GRM1: variants seen among roughly 807,000 people sequenced by gnomAD.
The protein encoded by GRM1 is glutamate metabotropic receptor 1.
GRM1 carries 33 observed loss-of-function variants against 90.9 expected under a neutral mutation model. That is an observed-to-expected ratio of 0.36 (90% CI 0.28 to 0.49). The LOEUF is 0.49. Among genes scored for constraint, GRM1 ranks in the 20% least tolerant of loss-of-function variants. The pLI is 0.99. For synonymous variants in GRM1, 700 were observed against 613.2 expected (o/e 1.14, Z -2.09); for missense variants, 1,190 against 1,534.3 (o/e 0.78, Z 3.75).
intron 1 of GRM1, among the ~76,000 whole-genome samples, chr6:146,129,423 A>G (rs62434314): frequency 1.3e-3 from 193 of 152,316 alleles, no homozygotes; most frequent in Admixed American, 3.3e-3. Flanking sequence ...AGGGAAATCA[A>G]TTCCAATTAT....
intron 7 of GRM1, among the ~76,000 whole-genome samples, chr6:146,422,808 T>C (rs947857255): frequency 6.6e-6 from 1 of 152,158 alleles, no homozygotes; most frequent in Non-Finnish European, 1.5e-5. Flanking sequence ...TAGGCTGTTA[T>C]ATCAAGGAAG....
At chr6:146,129,485 T>C (rs568516609) in intron 1 of GRM1, among the ~76,000 whole-genome samples, 1 of 152,280 alleles carries the variant, frequency 6.6e-6, no homozygotes, top group East Asian at 1.9e-4. Context: ...TAAAGAGTTG[T>C]GGGCAGGAAA....
chr6:146,382,272 C>T (rs1776343335), intron 5 of GRM1, among the ~76,000 whole-genome samples: 1 of 117,518 alleles, frequency 8.5e-6, no homozygotes, highest in Admixed American at 8.0e-5. Context: ...TTAAATTTGT[C>T]ACTTTGGGGG....
intron 3 of GRM1, among the ~76,000 whole-genome samples, chr6:146,311,977 A>T (rs1421099106): frequency 1.3e-5 from 2 of 152,176 alleles, no homozygotes; most frequent in Non-Finnish European, 2.9e-5. Context: ...GGAAAATGCA[A>T]GATCACACAT....
chr6:146,345,149 A>G (rs1012794469), intron 3 of GRM1, among the ~76,000 whole-genome samples: 1 of 152,256 alleles, frequency 6.6e-6, no homozygotes, highest in Non-Finnish European at 1.5e-5. Flanking sequence ...TGTTGCTAAT[A>G]CTGTAGTAAA....
At position 146,434,532 on chromosome 6, in the gene GRM1, G is replaced by A. The variant is rs1778530195; in HGVS notation, c.3321G>A (p.Gln1107=). 1 of 1,614,008 alleles carries A rather than the reference G, an allele frequency of 6.2e-7. No individual in the cohort carries two copies. The highest frequency in any genetic ancestry group is 1.3e-5 in the African/African-American group (1 of 74,936). ...ACAGCGAGAGGTTTAAGCTCCTCCA[G>A]GAGTACGTGTATGAGCACGAGCGGG... ...DDDSERFKLL[Q]EYVYEHEREG... Residue 1107 remains glutamine, a synonymous_variant, in exon 8 of 8, where the codon CAG becomes CAA. Coordinates refer to ENST00000282753, the MANE Select transcript of GRM1 (RefSeq NM_001278064.2).
At chr6:146,207,742 A>T (rs1224205083) in intron 2 of GRM1, among the ~76,000 whole-genome samples, 1 of 152,164 alleles carries the variant, frequency 6.6e-6, no homozygotes, top group Non-Finnish European at 1.5e-5. Flanking sequence ...GGGGAAGAAG[A>T]TATTTGGGGT....
At chr6:146,386,149 C>T (rs940388095) in intron 5 of GRM1, among the ~76,000 whole-genome samples, 2 of 152,030 alleles carry the variant, frequency 1.3e-5, no homozygotes, top group African/African-American at 4.8e-5. Flanking sequence ...GTGCTGTCTA[C>T]AAGACGTGCA....
chr6:146,064,083 A>G (rs1426012581), intron 1 of GRM1, among the ~76,000 whole-genome samples: 2 of 152,212 alleles, frequency 1.3e-5, no homozygotes, highest in African/African-American at 2.4e-5. Flanking sequence ...CTAAATTAGC[A>G]TGTTAGTTTG....
At chr6:146,281,450 G>A (rs1280939688) in intron 2 of GRM1, among the ~76,000 whole-genome samples, 1 of 152,104 alleles carries the variant, frequency 6.6e-6, no homozygotes, top group African/African-American at 2.4e-5. Flanking sequence ...TTCCCACTGA[G>A]CGAACTCAGA....
At chr6:146,238,787 G>T (rs1319852124) in intron 2 of GRM1, among the ~76,000 whole-genome samples, 1 of 151,944 alleles carries the variant, frequency 6.6e-6, no homozygotes, top group Non-Finnish European at 1.5e-5. Flanking sequence ...TGATTTTAAT[G>T]AAATATCTTA....
At chr6:146,344,992 G>A (rs1443374316) in intron 3 of GRM1, among the ~76,000 whole-genome samples, 3 of 151,938 alleles carry the variant, frequency 2.0e-5, no homozygotes, top group Non-Finnish European at 2.9e-5. Flanking sequence ...TGTATTTTTA[G>A]TAGAGACAGA....
intron 2 of GRM1, among the ~76,000 whole-genome samples, chr6:146,195,089 G>A (rs1779070325): frequency 6.6e-6 from 1 of 152,240 alleles, no homozygotes; most frequent in Non-Finnish European, 1.5e-5. Flanking sequence ...CCATTCCAGT[G>A]ACATGTTGTA....
At chr6:146,143,021 C>T (rs917674001) in intron 1 of GRM1, among the ~76,000 whole-genome samples, 2 of 152,162 alleles carry the variant, frequency 1.3e-5, no homozygotes, top group Non-Finnish European at 2.9e-5. Flanking sequence ...GAAGCCAGCA[C>T]ATCTCAGTCT....
chr6:146,225,729 C>T (rs1780217507), intron 2 of GRM1, among the ~76,000 whole-genome samples: 2 of 151,944 alleles, frequency 1.3e-5, no homozygotes, highest in African/African-American at 4.8e-5. Context: ...TTTATGTGAG[C>T]ACTGAGTACA....
At chr6:146,205,723 T>C (rs924401805) in intron 2 of GRM1, among the ~76,000 whole-genome samples, 1 of 152,210 alleles carries the variant, frequency 6.6e-6, no homozygotes. Context: ...CTCAGCCCTT[T>C]GTCTACTTTC....
chr6:146,285,139 T>C (rs1782710064), intron 2 of GRM1, among the ~76,000 whole-genome samples: 1 of 152,212 alleles, frequency 6.6e-6, no homozygotes, highest in African/African-American at 2.4e-5. Context: ...GATGGAGGCA[T>C]GTACCATTTC....
chr6:146,303,674 C>T (rs1783473616), intron 2 of GRM1, among the ~76,000 whole-genome samples: 1 of 152,128 alleles, frequency 6.6e-6, no homozygotes, highest in South Asian at 2.1e-4. Context: ...ATGGGCCGAC[C>T]TCGTGCCAGT....
At chr6:146,358,740 G>A (rs756180234) in intron 5 of GRM1, among the ~76,000 whole-genome samples, 8 of 152,130 alleles carry the variant, frequency 5.3e-5, no homozygotes, top group Non-Finnish European at 1.0e-4. Flanking sequence ...TATCTCAACT[G>A]ACTAAAGAAA....
Sources: gnomAD v4.1 joint callset for allele counts (sites outside exome capture counted in the v4.1 genomes callset) on GRCh38, gnomAD v4.1.1 for gene constraint, MANE v1.5 for transcripts, NCBI Gene and HGNC (gene_info 2026-07-23, HGNC 2026-07-21) for gene names.